MLIP: variants seen among roughly 807,000 people sequenced by gnomAD.
The protein encoded by MLIP is muscular LMNA interacting protein, also known as muscular LMNA-interacting protein.
A neutral mutation model predicts 84.8 loss-of-function variants in MLIP; 79 were observed. That is an observed-to-expected ratio of 0.93 (90% confidence interval 0.78 to 1.12). The LOEUF is 1.12. MLIP is among the 50% of genes most tolerant of loss of function. The pLI, the probability that MLIP is intolerant of heterozygous loss-of-function variation, is 0.00. For synonymous variants in MLIP, 504 were observed against 463.0 expected (o/e 1.09, Z -1.14); for missense variants, 1,257 against 1,160.6 (o/e 1.08, Z -1.21).
chr6:54,090,014 T>A (rs1443820249), intron 1 of MLIP, among the ~76,000 whole-genome samples: 1 of 152,176 alleles, frequency 6.6e-6, no homozygotes, highest in East Asian at 1.9e-4. Context: ...GCCTTGTTTC[T>A]AATTTGGAAG....
intron 1 of MLIP, chr6:54,079,546 G>T (rs982038416): frequency 2.0e-5 from 3 of 152,160 alleles, no homozygotes; most frequent in Admixed American, 6.5e-5. Flanking sequence ...ATTATCCAGA[G>T]CAAACCACTG....
intron 1 of MLIP, among the ~76,000 whole-genome samples, chr6:54,041,667 C>G (rs950165032): frequency 3.3e-5 from 5 of 152,064 alleles, no homozygotes; most frequent in African/African-American, 1.2e-4. Flanking sequence ...TTGCATCCCT[C>G]GTGGCCAATA....
chr6:54,111,985 T>C (rs1769506384), intron 1 of MLIP, among the ~76,000 whole-genome samples: 1 of 152,210 alleles, frequency 6.6e-6, no homozygotes, highest in Non-Finnish European at 1.5e-5. Flanking sequence ...ATTATTAGGC[T>C]ATCCGGTGAG....
upstream of MLIP, among the ~76,000 whole-genome samples, chr6:54,106,648 C>T (rs1436665826): frequency 6.6e-6 from 1 of 152,020 alleles, no homozygotes; most frequent in East Asian, 1.9e-4. Context: ...TTATTTTTAG[C>T]CTAAGCAACT....
At chr6:54,028,463 T>C (rs1186573724) in intron 1 of MLIP, among the ~76,000 whole-genome samples, 2 of 152,212 alleles carry the variant, frequency 1.3e-5, no homozygotes, top group Admixed American at 6.6e-5. Context: ...TATCATGTCA[T>C]AGTGGGAGGC....
intron 8 of MLIP, 119 bp downstream of exon 8, chr6:54,160,918 TC>T: frequency 1.3e-6 from 1 of 777,960 alleles, no homozygotes; most frequent in Non-Finnish European, 2.1e-6. Flanking sequence ...TAGCAATCAG[TC>T]TTTTTTGTAG....
chr6:54,128,508 G>T (rs955107311), intron 3 of MLIP, among the ~76,000 whole-genome samples: 1 of 152,134 alleles, frequency 6.6e-6, no homozygotes, highest in African/African-American at 2.4e-5. Context: ...TTTCCAAAAA[G>T]AGGAGTCTAT....
chr6:54,046,468 C>A (rs926414398), intron 1 of MLIP: 1 of 152,114 alleles, frequency 6.6e-6, no homozygotes, highest in Non-Finnish European at 1.5e-5. Context: ...ATCCTGTGTG[C>A]AAGTTTCAAA....
chr6:54,179,526 T>G (rs2754796), intron 9 of MLIP, among the ~76,000 whole-genome samples: 149,866 of 152,112 alleles, frequency 0.99, 73,865 homozygotes, highest in East Asian at 1. Context: ...TTTCTCTGGT[T>G]GTATGCTTTA....
chr6:54,082,219 ATATT>A (rs1205808107), intron 1 of MLIP, among the ~76,000 whole-genome samples: 9 of 152,148 alleles, frequency 5.9e-5, no homozygotes, highest in East Asian at 3.8e-4. Flanking sequence ...TGAATATATT[ATATT>A]TATTTATCTA....
intron 1 of MLIP, among the ~76,000 whole-genome samples, chr6:54,074,595 C>A (rs1173265866): frequency 6.6e-6 from 1 of 152,024 alleles, no homozygotes; most frequent in Non-Finnish European, 1.5e-5. Context: ...TAGGTGTATC[C>A]TCTTGTGCCG....
intron 1 of MLIP, among the ~76,000 whole-genome samples, chr6:54,040,811 G>T (rs1764701421): frequency 6.6e-6 from 1 of 151,954 alleles, no homozygotes; most frequent in South Asian, 2.1e-4. Flanking sequence ...AATTAATGAA[G>T]AAACAGAAAA....
chr6:54,072,064 C>T (rs113344839), intron 1 of MLIP, among the ~76,000 whole-genome samples: 53 of 152,190 alleles, frequency 3.5e-4, no homozygotes, highest in African/African-American at 1.2e-3. Flanking sequence ...GCTTTAGTGG[C>T]GAAAAGGTCT....
chr6:54,045,383 C>T (rs576428021), intron 1 of MLIP: 1 of 152,076 alleles, frequency 6.6e-6, no homozygotes, highest in Admixed American at 6.5e-5. Flanking sequence ...TGGTGATGCA[C>T]CATGCATGAT....
Position 54,137,036 on chromosome 6 carries a change from A to C in MLIP, c.967A>C (p.Thr323Pro), listed in dbSNP as rs1010298590. The C allele has an allele frequency of 6.5e-7, 1 of 1,535,956 alleles. No individual in the cohort carries two copies. The highest frequency in any genetic ancestry group is 8.7e-7 in the Non-Finnish European group (1 of 1,146,852). Residue 323 changes from threonine (T) to proline (P), a missense_variant, in exon 4 of 14, where the codon ACC (threonine) becomes CCC (proline). Physicochemically the swap from Thr to Pro is conservative, Grantham distance 38. Coordinates refer to ENST00000502396, the MANE Select transcript of MLIP (RefSeq NM_001281747.2). Reference protein sequence around the residue: ...STAADPKPGLTSEVLKKTTLT... With the variant: ...STAADPKPGLPSEVLKKTTLT... ...TGCAGCAGATCCAAAGCCTGGACTG[A>C]CCTCTGAAGTTCTCAAGAAGACAAC...
chr6:54,121,524 T>C lies in MLIP; in HGVS notation c.174T>C (p.Thr58=). Residue 58 remains threonine, a synonymous_variant, in exon 2 of 14, where the codon ACT becomes ACC. Transcript: ENST00000502396. Reference sequence around the variant, plus strand: ...CTGTCAGAAGACTACCAACCCATACTCAGTTGGCTGACACCTCTAAATTCC... The same window carrying C: ...CTGTCAGAAGACTACCAACCCATACCCAGTTGGCTGACACCTCTAAATTCC... The part of the protein sequence containing the change: ...VPTVRRLPTH[T]QLADTSKFLV... The C allele has an allele frequency of 1.9e-6, 3 of 1,614,094 alleles. No homozygotes were observed. The highest frequency in any genetic ancestry group is 2.5e-6 in the Non-Finnish European group (3 of 1,179,974).
intron 12 of MLIP, among the ~76,000 whole-genome samples, chr6:54,255,165 T>G (rs1782924561): frequency 6.6e-6 from 1 of 152,170 alleles, no homozygotes; most frequent in South Asian, 2.1e-4. Flanking sequence ...CCCTGCTTCT[T>G]TTTCCTGCAT....
At chr6:54,042,793 C>G (rs1764820928) in intron 1 of MLIP, among the ~76,000 whole-genome samples, 1 of 152,168 alleles carries the variant, frequency 6.6e-6, no homozygotes, top group Non-Finnish European at 1.5e-5. Flanking sequence ...ATAAAGCTAA[C>G]ATCAGTTGAG....
chr6:54,080,820 G>C (rs907247083), intron 1 of MLIP, among the ~76,000 whole-genome samples: 1 of 150,130 alleles, frequency 6.7e-6, no homozygotes, highest in East Asian at 1.9e-4. Flanking sequence ...GTACCCAAAG[G>C]GCTAGAGGAA....
Sources: gnomAD v4.1 joint callset for allele counts (sites outside exome capture counted in the v4.1 genomes callset) on GRCh38, gnomAD v4.1.1 for gene constraint, MANE v1.5 for transcripts, NCBI Gene and HGNC (gene_info 2026-07-23, HGNC 2026-07-21) for gene names.